TNRC18: variants seen among roughly 807,000 people sequenced by gnomAD.
TNRC18 encodes the protein trinucleotide repeat containing 18.
Under a neutral mutation model 226.7 loss-of-function variants are expected in TNRC18, and 69 were observed. The ratio of observed to expected loss-of-function variants is 0.30; its 90% CI spans 0.25 to 0.37. TNRC18 has a LOEUF of 0.37. Among genes scored for constraint, TNRC18 ranks in the 10% least tolerant of loss-of-function variants. The pLI is 1.00. For synonymous variants in TNRC18, 2,449 were observed against 1,927.6 expected, an observed-to-expected ratio of 1.27 and a Z score of -7.09; for missense variants, 4,754 against 4,256.6, an observed-to-expected ratio of 1.12 and a Z score of -3.25.
At chr7:5,360,790 G>A (rs1442144026) in intron 14 of TNRC18, among the ~76,000 whole-genome samples, 2 of 152,158 alleles carry the variant, frequency 1.3e-5, no homozygotes, top group Non-Finnish European at 2.9e-5. Context: ...ATCCAAGAAT[G>A]TTAAATGCAA....
intron 2 of TNRC18, among the ~76,000 whole-genome samples, chr7:5,400,394 G>A (rs539317886): frequency 4.0e-4 from 61 of 152,072 alleles, no homozygotes; most frequent in African/African-American, 1.3e-3. Flanking sequence ...CGGATCACCT[G>A]AGGTCAGGGG....
Position 5,324,214 on chromosome 7 carries a change from C to A in TNRC18, c.6442G>T (p.Ala2148Ser). ...GGAVERPLTP[A>S]PRSCIIDKDE... ...CACATGTGGCATCACGGCCACTCAC[C>A]CGGGGTCAGCGGCCGCTCCACAGCC... The change falls in exon 21 of 30, where the codon GCC becomes TCC. Residue 2148 changes from alanine (A) to serine (S), a missense_variant and splice_region_variant. Coordinates refer to ENST00000430969, the MANE Select transcript of TNRC18 (RefSeq NM_001080495.3). This position sits in a 1 kb window ranked among gnomAD's most constrained non-coding sequence, Gnocchi z 4.8. 2 of 1,601,184 alleles carry A rather than the reference C, an allele frequency of 1.2e-6. No homozygotes were observed. Among genetic ancestry groups the A allele is most frequent in the Non-Finnish European group, 1.7e-6 (2 of 1,175,802 alleles).
chr7:5,325,424 TTTTG>T (rs1354897813), intron 19 of TNRC18, 176 bp from the exon 20 acceptor site: 7 of 670,566 alleles, frequency 1.0e-5, no homozygotes, highest in Non-Finnish European at 9.4e-6. Context: ...TTGGGTTTTT[TTTTG>T]TTTTTTTTTT....
rs1354628630 is a variant in TNRC18 at position 5,325,822 on chromosome 7, G to A, written c.6148-574C>T. Among the ~76,000 whole-genome samples, 9 of 134,752 alleles carry A rather than the reference G, an allele frequency of 6.7e-5. No individual in the cohort carries two copies. The East Asian group carries it at 6.8e-4, about 10-fold the overall frequency. 88.4% of individuals were successfully genotyped at this position (134,752 alleles called of 152,430 possible). A position where few individuals can be genotyped will look rare whatever the true frequency, so the allele number is the denominator to read the frequency against. On this transcript the variant is annotated intron_variant, in intron 19 of 29. Transcript: ENST00000430969. ...CACCATCACCACTAAATGCAGCCTC[G>A]ACCTCCTGGGCTCACGTTATCCTCC...
At chr7:5,420,180 G>C (rs1053479471) in intron 2 of TNRC18, 2 of 341,734 alleles carry the variant, frequency 5.9e-6, no homozygotes, top group Admixed American at 8.1e-5. Context: ...CGCCCGCCCG[G>C]GTACCGTCCC....
Position 5,387,954 on chromosome 7 carries a change from C to A in TNRC18, c.1870G>T (p.Ala624Ser), listed in dbSNP as rs757238893. Reference protein sequence around the residue: ...GGLGTMKPEPAPTSAGASRAQ... With the variant: ...GGLGTMKPEPSPTSAGASRAQ... Reference sequence around the variant, plus strand: ...CGGGAGGCACCCGCAGAGGTGGGCGCAGGCTCGGGTTTCATGGTGCCCAAA... The same window carrying A: ...CGGGAGGCACCCGCAGAGGTGGGCGAAGGCTCGGGTTTCATGGTGCCCAAA... The change falls in exon 5 of 30, where the codon GCG becomes TCG. Residue 624 changes from alanine to serine, a missense_variant. By Grantham distance (99) the Ala-to-Ser change is moderately conservative (BLOSUM62 1). Transcript: ENST00000430969. 1.9e-6 allele frequency: 3 copies of A among 1,597,932 alleles called. No individual in the cohort carries two copies. In the Admixed American group the frequency reaches 5.2e-5, roughly 28 times the overall value.
At chr7:5,308,800 C>G (rs1187289925) in intron 29 of TNRC18, 75 bp downstream of exon 29, 3 of 1,494,976 alleles carry the variant, frequency 2.0e-6, no homozygotes, top group Admixed American at 4.0e-5. Context: ...AGATGCTGAG[C>G]CGGGCCCTGT....
At chr7:5,419,575 G>A (rs911864590) in intron 2 of TNRC18, among the ~76,000 whole-genome samples, 1 of 152,274 alleles carries the variant, frequency 6.6e-6, no homozygotes, top group Admixed American at 6.5e-5. Flanking sequence ...GGTCCCCCGC[G>A]CCCCTCCCTC....
In TNRC18 at chr7:5,370,609, C is replaced by G. The variant is rs1794050682; in HGVS notation, c.3985G>C (p.Asp1329His). Residue 1329 changes from aspartate to histidine, a missense_variant, in exon 11 of 30, where the codon GAC (aspartate) becomes CAC (histidine). Transcript: ENST00000430969. The stretch of plus-strand genomic sequence containing the variant: ...TCCTCCAGACTGGGCAGGAACTGGT[C>G]AGAGCTTGCCTCTTCCAGGAAGCAG... Reference protein sequence around the residue: ...STCFLEEASSDQFLPSLEDPL... With the variant: ...STCFLEEASSHQFLPSLEDPL... 1 of 1,613,326 alleles carries G rather than the reference C, an allele frequency of 6.2e-7. No homozygotes were observed.
chr7:5,385,215 G>A (rs1395086979), intron 5 of TNRC18, among the ~76,000 whole-genome samples: 7 of 152,188 alleles, frequency 4.6e-5, no homozygotes, highest in Non-Finnish European at 1.0e-4. Flanking sequence ...GGCTGGGCGC[G>A]GTGGCTCACG....
At chr7:5,403,524 G>T (rs1781254791) in intron 2 of TNRC18, among the ~76,000 whole-genome samples, 1 of 152,096 alleles carries the variant, frequency 6.6e-6, no homozygotes, top group Admixed American at 6.6e-5. Context: ...CGGTGTGGTG[G>T]CTCACACCTG....
chr7:5,355,988 A>G (rs961453416), intron 16 of TNRC18, among the ~76,000 whole-genome samples: 8 of 151,920 alleles, frequency 5.3e-5, no homozygotes, highest in African/African-American at 1.7e-4. Context: ...AACATGGCAA[A>G]ACCCCGTCTC....
In TNRC18 at chr7:5,377,848, G is replaced by C; in HGVS notation, c.2255+74C>G. On this transcript the variant is annotated intron_variant, in intron 6 of 29. Transcript: ENST00000430969. The surrounding 1 kb of genome is among the most constrained non-coding windows in gnomAD (Gnocchi z 5.8). ...GGTCGAGGGGCCAAGCCCACCTGGG[G>C]TCATCCAGCTGCCCCTCACCCCCAG... The C allele has an allele frequency of 6.9e-7, 1 of 1,453,314 alleles. No individual in the cohort carries two copies. Among genetic ancestry groups the C allele is most frequent in the Admixed American group, 1.8e-5 (1 of 56,938 alleles). The allele number at this position is 1,453,314 out of a possible 1,614,324, so 90.0% of individuals were successfully genotyped here.
intron 5 of TNRC18, among the ~76,000 whole-genome samples, chr7:5,384,680 TC>T (rs1779633147): frequency 6.6e-6 from 1 of 152,088 alleles, no homozygotes; most frequent in East Asian, 1.9e-4. Flanking sequence ...ATCTCCTGCC[TC>T]CCAGGGGGGC....
rs757813270 is a variant in TNRC18, at chr7:5,389,468, T to TGTTTTTTTTTTG, written c.488-133_488-132insCAAAAAAAAAAC. 3.1e-4 allele frequency: 343 copies of TGTTTTTTTTTTG among 1,101,934 alleles called. 1 individual carries two copies. The highest frequency in any genetic ancestry group is 3.8e-4 in the African/African-American group (21 of 54,652). The allele number at this position is 1,101,934 out of a possible 1,614,324, so 68.3% of individuals were successfully genotyped here. A position where few individuals can be genotyped will look rare whatever the true frequency, so the allele number is the denominator to read the frequency against. On this transcript the variant is annotated intron_variant, in intron 4 of 29. Coordinates refer to ENST00000430969, the MANE Select transcript of TNRC18 (RefSeq NM_001080495.3). ...CCCAGTGTTTTGGTTTTGGTTTTTT[T>TGTTTTTTTTTTG]TTTCAGAAAGAGTCTCGCTCTCCTC... is the stretch of plus-strand genomic sequence containing the variant.
Position 5,312,584 on chromosome 7 carries a change from C to G in TNRC18, c.8307G>C (p.Leu2769=). The G allele has an allele frequency of 5.0e-6, 8 of 1,611,016 alleles. No homozygotes were observed. In the African/African-American group the frequency reaches 1.1e-4, roughly 21 times the overall value. Residue 2769 remains leucine (L), a synonymous_variant, in exon 27 of 30, where the codon CTG becomes CTC. Transcript: ENST00000430969. This position sits in a 1 kb window ranked among gnomAD's most constrained non-coding sequence, Gnocchi z 6.3. The stretch of plus-strand genomic sequence containing the variant: ...TCTTGGGCCGGTTCTCCACGGACGG[C>G]AGGCGCTGCCGCTTGGCCAGCTCCT... The part of the protein sequence containing the change: ...TTKELAKRQR[L]PSVENRPKIA...
At chr7:5,408,505 G>A (rs944386292) in intron 2 of TNRC18, among the ~76,000 whole-genome samples, 18 of 151,948 alleles carry the variant, frequency 1.2e-4, no homozygotes, top group African/African-American at 3.1e-4. Flanking sequence ...AAAATTAGCC[G>A]GGTGTGGCAG....
At chr7:5,349,755 G>C (rs1007525204) in intron 17 of TNRC18, among the ~76,000 whole-genome samples, 1 of 152,218 alleles carries the variant, frequency 6.6e-6, no homozygotes, top group African/African-American at 2.4e-5. Flanking sequence ...GTCAAGGGTG[G>C]AGGGATGGTC....
chr7:5,357,575 C>G (rs972728733), intron 15 of TNRC18, among the ~76,000 whole-genome samples: 19 of 152,210 alleles, frequency 1.2e-4, no homozygotes, highest in African/African-American at 4.3e-4. Context: ...GCCTCGACCT[C>G]TGGGCTCTGT....
Sources: gnomAD v4.1 joint callset for allele counts (sites outside exome capture counted in the v4.1 genomes callset) on GRCh38, gnomAD v4.1.1 for gene constraint, Gnocchi (gnomAD v3.1) non-coding constraint, MANE v1.5 for transcripts, NCBI Gene and HGNC (gene_info 2026-07-23, HGNC 2026-07-21) for gene names.